TENM3: variants seen among roughly 807,000 people sequenced by gnomAD.
The protein encoded by TENM3 is teneurin transmembrane protein 3.
Under a neutral mutation model 255.1 loss-of-function variants are expected in TENM3, and 63 were observed. The ratio of observed to expected loss-of-function variants is 0.25; its 90% CI spans 0.20 to 0.30. TENM3 has a LOEUF of 0.30. TENM3 is among the 10% of genes least tolerant of loss of function. The pLI is 1.00. For synonymous variants in TENM3, 1,306 were observed against 1,322.3 expected, an observed-to-expected ratio of 0.99 and a Z score of 0.27; for missense variants, 2,929 against 3,461.1, an observed-to-expected ratio of 0.85 and a Z score of 3.86.
chr4:181,507,063 C>T, the TENM3 span, among the ~76,000 whole-genome samples: 2 of 152,166 alleles, frequency 1.3e-5, no homozygotes, highest in Non-Finnish European at 2.9e-5. Context: ...CTAAGCAAAT[C>T]CTTTAAACTT....
the TENM3 span, among the ~76,000 whole-genome samples, chr4:181,472,487 C>T: frequency 1.4e-5 from 2 of 144,668 alleles, no homozygotes; most frequent in African/African-American, 5.0e-5. Flanking sequence ...TGCCATAATG[C>T]CTGCAGCCAG....
chr4:182,467,316 T>C (rs559548544), intron 3 of TENM3, among the ~76,000 whole-genome samples: 1 of 145,004 alleles, frequency 6.9e-6, no homozygotes, highest in Non-Finnish European at 1.5e-5. Context: ...AAGTGAACTT[T>C]ATGATTGTCA....
the TENM3 span, among the ~76,000 whole-genome samples, chr4:181,856,595 T>A: frequency 1.6e-4 from 25 of 152,220 alleles, no homozygotes; most frequent in Non-Finnish European, 2.9e-5. Context: ...TGCCGAATTG[T>A]TTCTAACAAA....
chr4:181,986,219 G>A, the TENM3 span, among the ~76,000 whole-genome samples: 1 of 151,858 alleles, frequency 6.6e-6, no homozygotes, highest in Non-Finnish European at 1.5e-5. Context: ...TTTCCCTCAC[G>A]TTTCTTCTTC....
chr4:182,632,933 T>C (rs1751514633), intron 5 of TENM3, among the ~76,000 whole-genome samples: 1 of 152,112 alleles, frequency 6.6e-6, no homozygotes, highest in South Asian at 2.1e-4. Context: ...TTATCTTTTA[T>C]ATTTTTATTT....
chr4:182,020,973 T>G, the TENM3 span, among the ~76,000 whole-genome samples: 6 of 152,136 alleles, frequency 3.9e-5, no homozygotes, highest in East Asian at 1.2e-3. Context: ...ATTCAGGGAG[T>G]ACATCTGCAG....
chr4:181,599,512 A>T, the TENM3 span, among the ~76,000 whole-genome samples: 1 of 152,338 alleles, frequency 6.6e-6, no homozygotes, highest in Admixed American at 6.5e-5. Context: ...GTGGTAAAGT[A>T]ACTTGCACAC....
the TENM3 span, among the ~76,000 whole-genome samples, chr4:181,899,853 T>C: frequency 2.0e-5 from 3 of 152,122 alleles, no homozygotes; most frequent in African/African-American, 7.2e-5. Flanking sequence ...GGCTATGTTT[T>C]TTGTATAGGA....
chr4:182,758,851 T>A lies in TENM3; in HGVS notation c.4892+3592T>A, dbSNP rs192028633. 2.0e-5 allele frequency among the ~76,000 whole-genome samples: 3 copies of A among 152,294 alleles called. No homozygotes were observed. The East Asian group carries it at 5.8e-4, about 29-fold the overall frequency. On this transcript the variant is annotated intron_variant, in intron 22 of 27. Coordinates refer to ENST00000511685, the MANE Select transcript of TENM3 (RefSeq NM_001080477.4). ...CTTCCATGACACCAGTCCCTTGAGCTCTGATAACAGGCTCTATAATCATCT... is the reference window on the plus strand; with the variant it reads ...CTTCCATGACACCAGTCCCTTGAGCACTGATAACAGGCTCTATAATCATCT...
chr4:182,156,331 C>G (rs560433581), intron 1 of TENM3, among the ~76,000 whole-genome samples: 1 of 152,212 alleles, frequency 6.6e-6, no homozygotes, highest in East Asian at 1.9e-4. Flanking sequence ...TTCTGTGAAT[C>G]GTTTTTTTCT....
the TENM3 span, among the ~76,000 whole-genome samples, chr4:181,809,795 C>A: frequency 6.6e-6 from 1 of 152,186 alleles, no homozygotes; most frequent in East Asian, 1.9e-4. Context: ...AGCAAGAACG[C>A]CCAAGGCAGC....
the TENM3 span, among the ~76,000 whole-genome samples, chr4:181,979,095 GACATATATATAT>G: frequency 2.8e-5 from 2 of 72,176 alleles, no homozygotes; most frequent in African/African-American, 1.1e-4. Context: ...CATTAAGCCT[GACATATATATAT>G]ATATATATAT....
chr4:181,916,748 G>C, the TENM3 span, among the ~76,000 whole-genome samples: 5 of 151,984 alleles, frequency 3.3e-5, no homozygotes, highest in Admixed American at 1.3e-4. Flanking sequence ...ATGGTGGCGC[G>C]TGCTCGTAAT....
At chr4:181,802,583 A>C in the TENM3 span, among the ~76,000 whole-genome samples, 1 of 152,350 alleles carries the variant, frequency 6.6e-6, no homozygotes, top group Middle Eastern at 3.4e-3. Flanking sequence ...ACTCAAAAAT[A>C]TATTAACCTT....
At chr4:182,565,608 A>C (rs1288363145) in intron 3 of TENM3, among the ~76,000 whole-genome samples, 2 of 152,274 alleles carry the variant, frequency 1.3e-5, no homozygotes, top group African/African-American at 2.4e-5. Context: ...GTATGTTTTC[A>C]AACTTTCTAT....
At chr4:182,661,192 A>ATTTTTTTTTTT (rs35208231) in intron 6 of TENM3, among the ~76,000 whole-genome samples, 3 of 88,596 alleles carry the variant, frequency 3.4e-5, no homozygotes, top group African/African-American at 1.4e-4. Flanking sequence ...TTAAATTTTA[A>ATTTTTTTTTTT]TTTTTTTTTT....
chr4:182,558,456 C>T (rs954377003), intron 3 of TENM3, among the ~76,000 whole-genome samples: 11 of 152,160 alleles, frequency 7.2e-5, no homozygotes, highest in Non-Finnish European at 1.3e-4. Context: ...TCTGACATGC[C>T]GCTGATTTGC....
At chr4:182,550,606 G>T (rs1235921051) in intron 3 of TENM3, among the ~76,000 whole-genome samples, 2 of 151,930 alleles carry the variant, frequency 1.3e-5, no homozygotes, top group Non-Finnish European at 2.9e-5. Context: ...TTTCTTTTTG[G>T]GTTTTCTGGG....
chr4:182,735,264 A>G (rs1761074107), intron 16 of TENM3, among the ~76,000 whole-genome samples: 1 of 152,210 alleles, frequency 6.6e-6, no homozygotes, highest in East Asian at 1.9e-4. Context: ...GTGTATCTAC[A>G]TTAGAAATGC....
Sources: gnomAD v4.1 joint callset for allele counts (sites outside exome capture counted in the v4.1 genomes callset) on GRCh38, gnomAD v4.1.1 for gene constraint, MANE v1.5 for transcripts, NCBI Gene and HGNC (gene_info 2026-07-23, HGNC 2026-07-21) for gene names.